DENND1A: variants seen among roughly 807,000 people sequenced by gnomAD.
DENND1A encodes DENN domain containing 1A.
A neutral mutation model predicts 113.7 loss-of-function variants in DENND1A; 51 were observed. The ratio of observed to expected loss-of-function variants is 0.45; its 90% confidence interval spans 0.36 to 0.57. DENND1A has a LOEUF of 0.57. Among genes scored for constraint, DENND1A ranks in the 20% least tolerant of loss-of-function variants. DENND1A has a pLI of 0.00. For missense variants in DENND1A, 1,258 were observed against 1,395.9 expected (o/e 0.90, Z 1.57); for synonymous variants, 565 against 570.8 (o/e 0.99, Z 0.14).
chr9:123,566,561 C>T (rs1042097384), intron 12 of DENND1A, among the ~76,000 whole-genome samples: 6 of 152,148 alleles, frequency 3.9e-5, no homozygotes, highest in East Asian at 1.9e-4. Context: ...ATGGCTACTT[C>T]GTTATGTGCT....
intron 11 of DENND1A, among the ~76,000 whole-genome samples, chr9:123,595,482 T>C (rs911335119): frequency 6.6e-6 from 1 of 152,088 alleles, no homozygotes; most frequent in African/African-American, 2.4e-5. Context: ...CCTCTCCTTG[T>C]GGATGGGCTG....
At chr9:123,569,016 G>A (rs2058211320) in intron 12 of DENND1A, among the ~76,000 whole-genome samples, 1 of 152,168 alleles carries the variant, frequency 6.6e-6, no homozygotes, top group South Asian at 2.1e-4. Context: ...AAGACCTAGA[G>A]GAGCACACTT....
At chr9:123,708,031 G>C (rs1373699733) in intron 5 of DENND1A, among the ~76,000 whole-genome samples, 1 of 152,164 alleles carries the variant, frequency 6.6e-6, no homozygotes, top group African/African-American at 2.4e-5. Context: ...TGATAACAGG[G>C]GAGAAGGTAG....
intron 13 of DENND1A, among the ~76,000 whole-genome samples, chr9:123,552,012 C>T (rs371207824): frequency 4.8e-4 from 33 of 68,668 alleles, no homozygotes; most frequent in African/African-American, 1.8e-3. Flanking sequence ...CGAGAGAGAG[C>T]GAGAGCGAGA....
intron 19 of DENND1A, chr9:123,413,692 G>T: frequency 2.0e-6 from 2 of 985,516 alleles, no homozygotes; most frequent in Non-Finnish European, 2.4e-6. Context: ...AGCTGGGCGT[G>T]AGGGCTGACC....
At chr9:123,646,253 C>T (rs979663947) in intron 9 of DENND1A, among the ~76,000 whole-genome samples, 1 of 152,150 alleles carries the variant, frequency 6.6e-6, no homozygotes, top group Non-Finnish European at 1.5e-5. Flanking sequence ...GACACTAAAA[C>T]AAGTCCACCT....
At chr9:123,426,112 G>C (rs1355907097) in intron 19 of DENND1A, among the ~76,000 whole-genome samples, 2 of 152,210 alleles carry the variant, frequency 1.3e-5, no homozygotes, top group African/African-American at 4.8e-5. Flanking sequence ...CTGTGGTCAG[G>C]GTGGGCTTGG....
At chr9:123,923,733 C>G (rs1044982834) in intron 1 of DENND1A, among the ~76,000 whole-genome samples, 3 of 152,178 alleles carry the variant, frequency 2.0e-5, no homozygotes, top group African/African-American at 7.2e-5. Flanking sequence ...CCCTTTCTTT[C>G]AGTTCAAGTT....
At chr9:123,929,618 G>C (rs1857667187) in intron 1 of DENND1A, among the ~76,000 whole-genome samples, 1 of 152,016 alleles carries the variant, frequency 6.6e-6, no homozygotes, top group African/African-American at 2.4e-5. Context: ...CCGTAAACCC[G>C]GGGAGGGGGC....
chr9:123,536,452 C>G (rs1262049841), intron 13 of DENND1A, among the ~76,000 whole-genome samples: 2 of 120,238 alleles, frequency 1.7e-5, no homozygotes, highest in African/African-American at 6.7e-5. Context: ...GCAACAAGAA[C>G]AAAACTCTGT....
chr9:123,427,259 T>C (rs1219907456), intron 19 of DENND1A, among the ~76,000 whole-genome samples: 2 of 152,262 alleles, frequency 1.3e-5, no homozygotes, highest in Non-Finnish European at 1.5e-5. Flanking sequence ...GTTAGACCCC[T>C]GAAGTCAGGA....
In DENND1A at chr9:123,818,083, T is replaced by C. The variant is rs140234217; in HGVS notation, c.89-25453A>G. ...ATGCAAATAAATGTGTATAATTTATTGGTCATTATAGTATTGTTTTTCGTT... is the reference window on the plus strand; with the variant it reads ...ATGCAAATAAATGTGTATAATTTATCGGTCATTATAGTATTGTTTTTCGTT... On this transcript the variant is annotated intron_variant, in intron 2 of 23. Coordinates refer to ENST00000394215, the MANE Select transcript of DENND1A (RefSeq NM_001352964.2). 4.9e-3 allele frequency among the ~76,000 whole-genome samples: 745 copies of C among 152,166 alleles called. 2 individuals carry two copies. The highest frequency in any genetic ancestry group is 0.018 in the African/African-American group (729 of 41,518).
At chr9:123,901,256 G>A (rs999469504) in intron 1 of DENND1A, among the ~76,000 whole-genome samples, 1 of 152,192 alleles carries the variant, frequency 6.6e-6, no homozygotes, top group Admixed American at 6.5e-5. Context: ...TAAGGTAGGA[G>A]AAGATGGTGC....
intron 13 of DENND1A, among the ~76,000 whole-genome samples, chr9:123,541,969 A>C (rs980615314): frequency 2.0e-5 from 3 of 152,246 alleles, no homozygotes; most frequent in Admixed American, 6.5e-5. Context: ...CAGTGCACAC[A>C]CAGTGCCTCT....
chr9:123,780,012 G>A lies in DENND1A; in HGVS notation c.133-10449C>T, dbSNP rs763573503. 8.0e-4 allele frequency among the ~76,000 whole-genome samples: 121 copies of A among 151,634 alleles called. 2 individuals carry two copies. Among genetic ancestry groups the A allele is most frequent in the Non-Finnish European group, 4.0e-4 (27 of 67,932 alleles). Reference sequence around the variant, plus strand: ...GGGATTACAGGCGCCCCCCCACCACGCCAGCTAATTTTTGTATTTTTAGTA... The same window carrying A: ...GGGATTACAGGCGCCCCCCCACCACACCAGCTAATTTTTGTATTTTTAGTA... On this transcript the variant is annotated intron_variant, in intron 3 of 23. Coordinates refer to ENST00000394215, the MANE Select transcript of DENND1A (RefSeq NM_001352964.2).
intron 6 of DENND1A, among the ~76,000 whole-genome samples, chr9:123,675,224 T>A (rs1397907234): frequency 6.6e-6 from 1 of 152,242 alleles, no homozygotes; most frequent in East Asian, 1.9e-4. Context: ...TTAGTCATTA[T>A]ACACACAATT....
intron 13 of DENND1A, among the ~76,000 whole-genome samples, chr9:123,536,058 T>C (rs992455032): frequency 2.0e-5 from 3 of 152,076 alleles, no homozygotes; most frequent in African/African-American, 7.2e-5. Context: ...AAACCTCAAA[T>C]ATGTGCAATA....
At position 123,380,204 on chromosome 9, in the gene DENND1A, A is replaced by T. The variant is rs1038534587; in HGVS notation, c.*1228T>A. 1 of 152,380 alleles carries T rather than the reference A, an allele frequency of 6.6e-6. No individual in the cohort carries two copies. Among genetic ancestry groups the T allele is most frequent in the Non-Finnish European group, 1.5e-5 (1 of 68,036 alleles). The allele number at this position is 152,380 out of a possible 1,614,324, so 9.4% of individuals were successfully genotyped here. On this transcript the variant is annotated 3_prime_UTR_variant, in exon 24 of 24. Coordinates refer to ENST00000394215, the MANE Select transcript of DENND1A (RefSeq NM_001352964.2). ...GCTCACAATTTCCTGCGTGTCTCAG[A>T]TGGTTGTTTTCTTAAATGGTCGGGC...
At chr9:123,887,587 G>A (rs1250811113) in intron 1 of DENND1A, among the ~76,000 whole-genome samples, 5 of 151,782 alleles carry the variant, frequency 3.3e-5, no homozygotes, top group East Asian at 1.9e-4. Flanking sequence ...TAGGGCCCCC[G>A]AGAATGGAGG....
Sources: gnomAD v4.1 joint callset for allele counts (sites outside exome capture counted in the v4.1 genomes callset) on GRCh38, gnomAD v4.1.1 for gene constraint, MANE v1.5 for transcripts, NCBI Gene and HGNC (gene_info 2026-07-23, HGNC 2026-07-21) for gene names.